Variants in ZNF438 observed in about 807,000 individuals in gnomAD.
The protein encoded by ZNF438 is zinc finger protein 438.
A neutral mutation model predicts 38.0 loss-of-function variants in ZNF438; 25 were observed. The ratio of observed to expected loss-of-function variants is 0.66; its 90% CI spans 0.48 to 0.92. The LOEUF (loss-of-function observed/expected upper bound fraction) is 0.92. ZNF438 is among the 40% of genes least tolerant of loss of function. The probability of loss-of-function intolerance (pLI) is 0.00; values close to 1 mark genes in which losing one functional copy is unlikely to be tolerated. For missense variants in ZNF438, 1,007 were observed against 999.6 expected, an observed-to-expected ratio of 1.01 and a Z score of -0.10; for synonymous variants, 372 against 364.1, an observed-to-expected ratio of 1.02 and a Z score of -0.25.
Position 30,969,149 on chromosome 10 carries a change from C to CA in ZNF438, c.-191-27499dup, listed in dbSNP as rs904160312. On this transcript the variant is annotated intron_variant, in intron 1 of 5. Transcript: ENST00000413025. ...AGAGATGGTTTGCCACAGAGTAAGT[C>CA]AAAAAAAATAAAAGAATATGGAGAT... Among the ~76,000 whole-genome samples the CA allele has an allele frequency of 1.9e-4, 28 of 149,046 alleles. 1 individual carries two copies. Among genetic ancestry groups the CA allele is most frequent in the Admixed American group, 8.0e-4 (12 of 15,038 alleles).
At chr10:30,859,667 C>A (rs1232844877) in intron 4 of ZNF438, among the ~76,000 whole-genome samples, 1 of 152,132 alleles carries the variant, frequency 6.6e-6, no homozygotes, top group East Asian at 1.9e-4. Context: ...CTACAAAGGT[C>A]CCTGTCAGGA....
At chr10:30,865,755 A>G (rs1414630647) in intron 4 of ZNF438, among the ~76,000 whole-genome samples, 1 of 152,204 alleles carries the variant, frequency 6.6e-6, no homozygotes. Context: ...TTCGTGTATG[A>G]TAGAGAGTAG....
intron 1 of ZNF438, among the ~76,000 whole-genome samples, chr10:31,004,565 G>A (rs992429624): frequency 3.9e-5 from 6 of 152,194 alleles, no homozygotes; most frequent in Non-Finnish European, 8.8e-5. Context: ...TATGCTGTGA[G>A]GAGTGAGGGA....
intron 1 of ZNF438, among the ~76,000 whole-genome samples, chr10:31,021,259 A>G (rs1418777860): frequency 6.6e-6 from 1 of 152,178 alleles, no homozygotes; most frequent in African/African-American, 2.4e-5. Context: ...TCTGACTTCT[A>G]TAACTTCTAA....
intron 1 of ZNF438, among the ~76,000 whole-genome samples, chr10:30,945,625 T>G (rs1413921807): frequency 6.9e-6 from 1 of 144,924 alleles, no homozygotes; most frequent in Non-Finnish European, 1.5e-5. Flanking sequence ...ATTGTTCAAT[T>G]CCCACCTATG....
At chr10:30,902,164 T>G (rs925048141) in intron 3 of ZNF438, among the ~76,000 whole-genome samples, 1 of 152,180 alleles carries the variant, frequency 6.6e-6, no homozygotes, top group Non-Finnish European at 1.5e-5. Flanking sequence ...GGCAGCCTGC[T>G]TTTATTCTCT....
intron 4 of ZNF438, among the ~76,000 whole-genome samples, chr10:30,855,005 G>C (rs920064949): frequency 3.9e-5 from 6 of 152,180 alleles, no homozygotes; most frequent in African/African-American, 1.4e-4. Context: ...GCAACCTTCT[G>C]ACAGTTAAGG....
intron 3 of ZNF438, among the ~76,000 whole-genome samples, chr10:30,908,580 G>A (rs2042797217): frequency 6.6e-6 from 1 of 152,170 alleles, no homozygotes; most frequent in African/African-American, 2.4e-5. Context: ...GGTAGGAAAT[G>A]AATGCAGCTG....
chr10:30,888,630 G>C (rs1332808801), intron 3 of ZNF438, among the ~76,000 whole-genome samples: 1 of 152,038 alleles, frequency 6.6e-6, no homozygotes, highest in East Asian at 1.9e-4. Context: ...GCAGTATTTG[G>C]TTTGCTGTTC....
At chr10:30,898,728 C>T (rs989063764) in intron 3 of ZNF438, among the ~76,000 whole-genome samples, 6 of 151,762 alleles carry the variant, frequency 4.0e-5, no homozygotes, top group Non-Finnish European at 5.9e-5. Context: ...TGGTATTTTC[C>T]GCATTCCAAT....
At chr10:30,980,833 T>G (rs79459491) in intron 1 of ZNF438, among the ~76,000 whole-genome samples, 12,107 of 152,274 alleles carry the variant, frequency 0.08, 579 homozygotes, top group Non-Finnish European at 0.11. Flanking sequence ...TTTATGACTC[T>G]TCCTCAAAAA....
intron 5 of ZNF438, among the ~76,000 whole-genome samples, chr10:30,847,544 ATGG>A (rs2032497711): frequency 3.3e-5 from 5 of 152,158 alleles, no homozygotes; most frequent in Admixed American, 3.3e-4. Context: ...GACCTGCCAA[ATGG>A]TGGGGCTAAG....
intron 1 of ZNF438, among the ~76,000 whole-genome samples, chr10:30,981,827 G>A (rs2052192143): frequency 6.6e-6 from 1 of 150,960 alleles, no homozygotes; most frequent in South Asian, 2.1e-4. Context: ...GCAGCAAGCC[G>A]AGATTGTGCC....
chr10:30,926,648 A>T (rs1466190086), intron 2 of ZNF438, among the ~76,000 whole-genome samples: 1 of 149,682 alleles, frequency 6.7e-6, no homozygotes, highest in Non-Finnish European at 1.5e-5. Context: ...CCTGAGCGAC[A>T]GGGTGGAAAA....
At chr10:30,885,598 G>A (rs980290392) in intron 3 of ZNF438, among the ~76,000 whole-genome samples, 1 of 152,120 alleles carries the variant, frequency 6.6e-6, no homozygotes, top group Non-Finnish European at 1.5e-5. Context: ...ACTCAGATGG[G>A]CCAGAATTCA....
intron 3 of ZNF438, among the ~76,000 whole-genome samples, chr10:30,898,633 G>A (rs2041640922): frequency 6.6e-6 from 1 of 152,020 alleles, no homozygotes; most frequent in Admixed American, 6.6e-5. Context: ...AAAAGGGGGG[G>A]AACGCTTAGT....
chr10:31,013,363 T>C (rs2055901408), intron 1 of ZNF438, among the ~76,000 whole-genome samples: 1 of 151,726 alleles, frequency 6.6e-6, no homozygotes. Context: ...ATTCCACAAA[T>C]ACATGGCCTC....
intron 1 of ZNF438, among the ~76,000 whole-genome samples, chr10:30,989,196 G>A (rs191020322): frequency 2.6e-5 from 4 of 152,202 alleles, no homozygotes; most frequent in Admixed American, 2.0e-4. Context: ...CCAAAATCCT[G>A]TGAGCCAATT....
intron 3 of ZNF438, among the ~76,000 whole-genome samples, chr10:30,894,500 T>C (rs2041088991): frequency 6.6e-6 from 1 of 152,148 alleles, no homozygotes; most frequent in African/African-American, 2.4e-5. Context: ...GGCAGGCTCA[T>C]TTTAATCCTT....
Sources: gnomAD v4.1 joint callset for allele counts (sites outside exome capture counted in the v4.1 genomes callset) on GRCh38, gnomAD v4.1.1 for gene constraint, MANE v1.5 for transcripts, NCBI Gene and HGNC (gene_info 2026-07-23, HGNC 2026-07-21) for gene names.